SCUBE1: variants seen among roughly 807,000 people sequenced by gnomAD.
SCUBE1 encodes the protein signal peptide, CUB and EGF-like domain-containing protein 1.
SCUBE1 carries 59 observed loss-of-function variants against 124.4 expected under a neutral mutation model. The observed-to-expected ratio is 0.47, with a 90% CI of 0.38 to 0.59. The LOEUF (loss-of-function observed/expected upper bound fraction) is 0.59, where lower values mean the gene tolerates loss of function less well. SCUBE1 is among the 20% of genes least tolerant of loss of function. The pLI, the probability that SCUBE1 is intolerant of heterozygous loss-of-function variation, is 0.00. For missense variants in SCUBE1, 1,150 were observed against 1,371.2 expected, an observed-to-expected ratio of 0.84 and a Z score of 2.55; for synonymous variants, 545 against 550.9, an observed-to-expected ratio of 0.99 and a Z score of 0.15.
chr22:43,335,739 G>GTGA lies in SCUBE1; in HGVS notation c.220+3362_220+3364dup, dbSNP rs572505909. Among the ~76,000 whole-genome samples, 1,338 of 147,552 alleles carry GTGA rather than the reference G, an allele frequency of 9.1e-3. 23 individuals are homozygous for GTGA. The highest frequency in any genetic ancestry group is 0.03 in the African/African-American group (1,200 of 39,382). The stretch of plus-strand genomic sequence containing the variant: ...CTACTTTGACAGCTAGTGAGAACAG[G>GTGA]TGATGATGATGATGATGATGATGAT... On this transcript the variant is annotated intron_variant, in intron 2 of 21. Transcript: ENST00000360835.
rs1018551200 is a variant in SCUBE1 at position 43,323,517 on chromosome 22, C to T, written c.221-3452G>A. Among the ~76,000 whole-genome samples, 6 of 152,138 alleles carry T rather than the reference C, an allele frequency of 3.9e-5. No homozygotes were observed. In the East Asian group the frequency reaches 5.8e-4, roughly 15 times the overall value. Reference sequence around the variant, plus strand: ...TCACCCATACATCCAGACACGCATGCATGCATCCATCTGTCTAAATATTCA... The same window carrying T: ...TCACCCATACATCCAGACACGCATGTATGCATCCATCTGTCTAAATATTCA... On this transcript the variant is annotated intron_variant, in intron 2 of 21. Coordinates refer to ENST00000360835, the MANE Select transcript of SCUBE1 (RefSeq NM_173050.5).
chr22:43,244,898 T>C (rs946158939), intron 6 of SCUBE1, among the ~76,000 whole-genome samples: 4 of 152,260 alleles, frequency 2.6e-5, no homozygotes, highest in Non-Finnish European at 5.9e-5. Context: ...CAGAACCTGC[T>C]GATCCCTCAA....
At chr22:43,335,203 C>A (rs1324507249) in intron 2 of SCUBE1, among the ~76,000 whole-genome samples, 2 of 152,170 alleles carry the variant, frequency 1.3e-5, no homozygotes, top group African/African-American at 2.4e-5. Context: ...ACATGGTGCC[C>A]CTTCAGATTT....
At chr22:43,284,719 C>T (rs1186752722) in intron 4 of SCUBE1, among the ~76,000 whole-genome samples, 4 of 152,252 alleles carry the variant, frequency 2.6e-5, no homozygotes, top group African/African-American at 9.6e-5. Flanking sequence ...GCCTGGCACA[C>T]GCAAGCATGC....
At chr22:43,205,844 C>T (rs1212028903) in intron 21 of SCUBE1, among the ~76,000 whole-genome samples, 1 of 112,520 alleles carries the variant, frequency 8.9e-6, no homozygotes. Flanking sequence ...CACCACACAC[C>T]CACTCACCAC....
At chr22:43,329,825 T>C (rs1284522910) in intron 2 of SCUBE1, among the ~76,000 whole-genome samples, 3 of 152,198 alleles carry the variant, frequency 2.0e-5, no homozygotes, top group Non-Finnish European at 4.4e-5. Context: ...TCCATTTCAG[T>C]AGCATTCAAA....
At chr22:43,249,742 T>TTC (rs1923366153) in intron 6 of SCUBE1, among the ~76,000 whole-genome samples, 1 of 152,208 alleles carries the variant, frequency 6.6e-6, no homozygotes, top group African/African-American at 2.4e-5. Flanking sequence ...AGCTCCTCTC[T>TTC]TCTCCCCCTG....
At chr22:43,308,405 G>A (rs145504327) in intron 3 of SCUBE1, among the ~76,000 whole-genome samples, 1 of 152,288 alleles carries the variant, frequency 6.6e-6, no homozygotes, top group African/African-American at 2.4e-5. Flanking sequence ...AGAAAATATT[G>A]GTGTTTATGG....
chr22:43,211,866 G>C lies in SCUBE1; in HGVS notation c.2221+559C>G, dbSNP rs1921575323. On this transcript the variant is annotated intron_variant, in intron 17 of 21. Coordinates refer to ENST00000360835, the MANE Select transcript of SCUBE1 (RefSeq NM_173050.5). This position sits in a 1 kb window ranked among gnomAD's most constrained non-coding sequence, Gnocchi z 4.5. Reference sequence around the variant, plus strand: ...AAATTCAGAACAGTTTGTATGTGCAGGGGAGTATCTGGTGATGTGGCTGGC... The same window carrying C: ...AAATTCAGAACAGTTTGTATGTGCACGGGAGTATCTGGTGATGTGGCTGGC... Among the ~76,000 whole-genome samples, 1 of 152,134 alleles carries C rather than the reference G, an allele frequency of 6.6e-6. No individual in the cohort carries two copies. The highest frequency in any genetic ancestry group is 2.4e-5 in the African/African-American group (1 of 41,416).
chr22:43,274,451 G>A (rs371461860), intron 4 of SCUBE1, among the ~76,000 whole-genome samples: 35 of 152,302 alleles, frequency 2.3e-4, no homozygotes, highest in South Asian at 8.3e-4. Context: ...CATGGCGGAC[G>A]GACAGGCTGT....
chr22:43,218,956 C>T (rs1921961233), intron 14 of SCUBE1, among the ~76,000 whole-genome samples: 1 of 152,224 alleles, frequency 6.6e-6, no homozygotes, highest in African/African-American at 2.4e-5. Context: ...CTCTCTCTGA[C>T]CTCTGTGCCT....
chr22:43,332,155 G>A (rs187586355), intron 2 of SCUBE1, among the ~76,000 whole-genome samples: 10 of 152,232 alleles, frequency 6.6e-5, no homozygotes, highest in South Asian at 4.2e-4. Flanking sequence ...GGGCATGGTG[G>A]TGCGCACCTG....
intron 4 of SCUBE1, among the ~76,000 whole-genome samples, chr22:43,271,197 C>T (rs550017336): frequency 1.3e-5 from 2 of 152,324 alleles, no homozygotes; most frequent in Admixed American, 6.5e-5. Flanking sequence ...GGGGCCATGC[C>T]TGGGGCTCCC....
intron 4 of SCUBE1, among the ~76,000 whole-genome samples, chr22:43,274,247 T>C (rs928481267): frequency 4.6e-5 from 7 of 152,196 alleles, no homozygotes; most frequent in Non-Finnish European, 7.4e-5. Context: ...CAAATAAAAA[T>C]ACAGGACGCC....
chr22:43,284,564 CA>C (rs1390858481), intron 4 of SCUBE1, among the ~76,000 whole-genome samples: 1 of 152,232 alleles, frequency 6.6e-6, no homozygotes, highest in Non-Finnish European at 1.5e-5. Context: ...GCTCTGGGGC[CA>C]GATTGGCAGA....
At chr22:43,245,444 GGTGGCGCGGGTGGGGTGGGGCTCAAGT>G (rs772356202) in intron 6 of SCUBE1, among the ~76,000 whole-genome samples, 3 of 152,222 alleles carry the variant, frequency 2.0e-5, no homozygotes. Context: ...GCATGCAGGT[GGTGGCGCGGGTGGGGTGGGGCTCAAGT>G]GTGGCTGGAC....
intron 2 of SCUBE1, among the ~76,000 whole-genome samples, chr22:43,338,297 C>T (rs1159087901): frequency 6.6e-6 from 1 of 152,192 alleles, no homozygotes; most frequent in Admixed American, 6.5e-5. Context: ...GGCTAACCAG[C>T]ACCCCAGGTG....
At chr22:43,325,512 G>T (rs5759283) in intron 2 of SCUBE1, among the ~76,000 whole-genome samples, 1 of 150,458 alleles carries the variant, frequency 6.6e-6, no homozygotes, top group Admixed American at 6.6e-5. Flanking sequence ...AAGTGGGGAA[G>T]AGATTTCATG....
chr22:43,246,632 A>C (rs530912437), intron 6 of SCUBE1, among the ~76,000 whole-genome samples: 1 of 152,334 alleles, frequency 6.6e-6, no homozygotes, highest in South Asian at 2.1e-4. Context: ...TGTAACACTA[A>C]ACCTTGCAGG....
Sources: gnomAD v4.1 joint callset for allele counts (sites outside exome capture counted in the v4.1 genomes callset) on GRCh38, gnomAD v4.1.1 for gene constraint, Gnocchi (gnomAD v3.1) non-coding constraint, MANE v1.5 for transcripts, NCBI Gene and HGNC (gene_info 2026-07-23, HGNC 2026-07-21) for gene names.